The following ATXN3 variants were observed in gnomAD, a reference collection of about 807,000 sequenced individuals.
ATXN3 encodes the protein ataxin-3.
Under a neutral mutation model 58.2 loss-of-function variants are expected in ATXN3, and 28 were observed. The ratio of observed to expected loss-of-function variants is 0.48; its 90% CI spans 0.36 to 0.66. ATXN3 has a LOEUF of 0.66. Ranked by LOEUF, ATXN3 falls within the 30% of genes least tolerant of loss-of-function variation. The pLI is 0.00. For synonymous variants in ATXN3, 113 were observed against 138.5 expected (o/e 0.82, Z 1.29); for missense variants, 321 against 422.1 (o/e 0.76, Z 2.10).
intron 6 of ATXN3, 40 bp from the exon 7 acceptor site, chr14:92,083,298 A>G: frequency 6.4e-7 from 1 of 1,557,272 alleles, no homozygotes; most frequent in Non-Finnish European, 8.7e-7. Flanking sequence ...CCAGTTAGTA[A>G]AGAGATTCAA....
At position 92,061,622 on chromosome 14, in the gene ATXN3, G is replaced by C. The variant is rs1341035742; in HGVS notation, c.*2698C>G. 1 of 152,068 alleles carries C rather than the reference G, an allele frequency of 6.6e-6. No homozygotes were observed. Among genetic ancestry groups the C allele is most frequent in the African/African-American group, 2.4e-5 (1 of 41,398 alleles). 9.4% of individuals were successfully genotyped at this position (152,068 alleles called of 1,614,324 possible). On this transcript the variant is annotated 3_prime_UTR_variant, in exon 11 of 11. Coordinates refer to ENST00000644486, the MANE Select transcript of ATXN3 (RefSeq NM_004993.6). Reference sequence around the variant, plus strand: ...TGTTCCCAATTAGTAAAACAAAATGGAAATCTTTAATACACTTCTTAGCAG... The same window carrying C: ...TGTTCCCAATTAGTAAAACAAAATGCAAATCTTTAATACACTTCTTAGCAG...
intron 1 of ATXN3, 96 bp downstream of exon 1, chr14:92,106,433 A>T: frequency 6.6e-7 from 1 of 1,521,820 alleles, no homozygotes; most frequent in Non-Finnish European, 9.1e-7. Context: ...CATGGGGGCG[A>T]CTCGGGCCCC....
intron 1 of ATXN3, among the ~76,000 whole-genome samples, chr14:92,104,830 G>A (rs2067828798): frequency 6.6e-6 from 1 of 151,678 alleles, no homozygotes; most frequent in Non-Finnish European, 1.5e-5. Context: ...GACTGAGGCA[G>A]GAGAATCGCT....
chr14:92,055,038 C>T (rs899136347), downstream of ATXN3, among the ~76,000 whole-genome samples: 1 of 152,164 alleles, frequency 6.6e-6, no homozygotes, highest in African/African-American at 2.4e-5. This position sits in a 1 kb window ranked among gnomAD's most constrained non-coding sequence, Gnocchi z 4.5. Context: ...TACGCCACCA[C>T]ACCCGGCTAA....
In ATXN3 at chr14:92,063,621, G is replaced by A. The variant is rs1248599969; in HGVS notation, c.*699C>T. ...CATTTATTCTCAAGTACTTGTGCAA[G>A]GCTGATTTCAGAGTTTAGGAACGCA... On this transcript the variant is annotated 3_prime_UTR_variant, in exon 11 of 11. Transcript: ENST00000644486. 2 of 152,190 alleles carry A rather than the reference G, an allele frequency of 1.3e-5. No individual in the cohort carries two copies. The highest frequency in any genetic ancestry group is 2.9e-5 in the Non-Finnish European group (2 of 68,028). 9.4% of individuals were successfully genotyped at this position (152,190 alleles called of 1,614,324 possible). A position where few individuals can be genotyped will look rare whatever the true frequency, so the allele number is the denominator to read the frequency against.
chr14:92,105,792 C>CA (rs1293596203), intron 1 of ATXN3, among the ~76,000 whole-genome samples: 9 of 152,186 alleles, frequency 5.9e-5, no homozygotes, highest in Non-Finnish European at 1.3e-4. Context: ...CAGACTACAA[C>CA]AAAATCATCC....
At chr14:92,071,168 T>C in intron 9 of ATXN3, 115 bp from the exon 10 acceptor site, 1 of 1,441,248 alleles carries the variant, frequency 6.9e-7, no homozygotes, top group Non-Finnish European at 9.4e-7. Flanking sequence ...AAGTAGTCAC[T>C]GGTATTAAAA....
At chr14:92,082,964 C>T (rs2061737095) in intron 7 of ATXN3, among the ~76,000 whole-genome samples, 162 bp downstream of exon 7, 1 of 152,038 alleles carries the variant, frequency 6.6e-6, no homozygotes, top group Non-Finnish European at 1.5e-5. Context: ...TTAAGTATTT[C>T]AAAGAGTTGA....
intron 5 of ATXN3, chr14:92,090,304 C>T (rs1000569078): frequency 1.3e-5 from 2 of 152,026 alleles, no homozygotes; most frequent in African/African-American, 4.8e-5. Flanking sequence ...AGGGGTCTTA[C>T]ACTATGTTGT....
chr14:92,060,337 C>G lies in ATXN3; in HGVS notation c.*3983G>C, dbSNP rs1418304121. 1.3e-5 allele frequency: 2 copies of G among 149,298 alleles called. No homozygotes were observed. Among genetic ancestry groups the G allele is most frequent in the Non-Finnish European group, 3.0e-5 (2 of 67,728 alleles). 9.2% of individuals were successfully genotyped at this position (149,298 alleles called of 1,614,324 possible). A position where few individuals can be genotyped will look rare whatever the true frequency, so the allele number is the denominator to read the frequency against. ...CTGGAATGCAGTGGTGAGCCCTTGGCACTCTGCAACCTCTGCCTCCTAGGC... is the reference window on the plus strand; with the variant it reads ...CTGGAATGCAGTGGTGAGCCCTTGGGACTCTGCAACCTCTGCCTCCTAGGC... On this transcript the variant is annotated 3_prime_UTR_variant, in exon 11 of 11. Transcript: ENST00000644486.
upstream of ATXN3, chr14:92,050,260 G>A (rs1436777473): frequency 6.6e-6 from 1 of 151,980 alleles, no homozygotes; most frequent in Non-Finnish European, 1.5e-5. Context: ...ACTGGGTGGT[G>A]GGTACATAAG....
chr14:92,093,681 G>A (rs1225721751), intron 4 of ATXN3, 65 bp downstream of exon 4: 1 of 1,225,750 alleles, frequency 8.2e-7, no homozygotes, highest in Non-Finnish European at 1.2e-6. Flanking sequence ...TCTTCTTTAA[G>A]AAATTACAAC....
intron 10 of ATXN3, 57 bp from the exon 11 acceptor site, chr14:92,064,471 C>T: frequency 7.7e-7 from 1 of 1,298,230 alleles, no homozygotes; most frequent in Non-Finnish European, 1.1e-6. Flanking sequence ...TCAAAGTCAT[C>T]AAAAGGCAAG....
chr14:92,054,975 G>A (rs1375809211), downstream of ATXN3, among the ~76,000 whole-genome samples: 3 of 152,084 alleles, frequency 2.0e-5, no homozygotes, highest in Non-Finnish European at 2.9e-5. Context: ...TCCGCCTCCC[G>A]GGTTCAAGCA....
chr14:92,090,287 G>A (rs1448604894), intron 5 of ATXN3: 3 of 152,008 alleles, frequency 2.0e-5, no homozygotes, highest in African/African-American at 7.3e-5. Context: ...ATTTTTTTGT[G>A]TGGAGAAGGG....
At chr14:92,084,870 G>A (rs186104713) in intron 6 of ATXN3, among the ~76,000 whole-genome samples, 7 of 152,048 alleles carry the variant, frequency 4.6e-5, no homozygotes, top group Admixed American at 6.5e-5. Flanking sequence ...GTGAGCCACC[G>A]CGCCTAGCAC....
chr14:92,099,122 TCTC>T (rs531627273), intron 1 of ATXN3, among the ~76,000 whole-genome samples: 50 of 152,256 alleles, frequency 3.3e-4, no homozygotes, highest in African/African-American at 1.2e-3. Flanking sequence ...AACATTTCCT[TCTC>T]CTGCTAACCT....
intron 6 of ATXN3, among the ~76,000 whole-genome samples, chr14:92,084,985 T>C (rs8020781): frequency 0.28 from 42,916 of 152,006 alleles, 6,401 homozygotes; most frequent in East Asian, 0.44. Flanking sequence ...CAAAATAGTA[T>C]GTTGAACATT....
At chr14:92,094,013 G>A (rs55913909) in intron 3 of ATXN3, among the ~76,000 whole-genome samples, 182 bp from the exon 4 acceptor site, 173 of 148,436 alleles carry the variant, frequency 1.2e-3, no homozygotes, top group South Asian at 3.6e-3. Context: ...GCACGATCTC[G>A]GCTCGCTGCA....
Sources: gnomAD v4.1 joint callset for allele counts (sites outside exome capture counted in the v4.1 genomes callset) on GRCh38, gnomAD v4.1.1 for gene constraint, Gnocchi (gnomAD v3.1) non-coding constraint, MANE v1.5 for transcripts, NCBI Gene and HGNC (gene_info 2026-07-23, HGNC 2026-07-21) for gene names.